CORO2B: variants seen among roughly 807,000 people sequenced by gnomAD.
The protein encoded by CORO2B is coronin-2B.
A neutral mutation model predicts 58.8 loss-of-function variants in CORO2B; 26 were observed. That is an observed-to-expected ratio of 0.44 (90% CI 0.32 to 0.61). CORO2B has a LOEUF of 0.61. Among genes scored for constraint, CORO2B ranks in the 20% least tolerant of loss-of-function variants. CORO2B has a pLI of 0.04. For missense variants in CORO2B, 460 were observed against 645.1 expected, an observed-to-expected ratio of 0.71 and a Z score of 3.11; for synonymous variants, 242 against 253.8, an observed-to-expected ratio of 0.95 and a Z score of 0.44.
chr15:68,561,281 G>T, the CORO2B span, among the ~76,000 whole-genome samples: 5 of 152,148 alleles, frequency 3.3e-5, no homozygotes, highest in African/African-American at 1.2e-4. Context: ...CCCCCTCCCA[G>T]CTCCTCCCAG....
At chr15:68,625,818 T>C (rs2140255584) in intron 1 of CORO2B, among the ~76,000 whole-genome samples, 1 of 152,190 alleles carries the variant, frequency 6.6e-6, no homozygotes, top group South Asian at 2.1e-4. Context: ...TTGCCCAGGC[T>C]GGTCTCAAAC....
intron 1 of CORO2B, among the ~76,000 whole-genome samples, chr15:68,643,954 T>C (rs2218171): frequency 0.79 from 119,366 of 151,886 alleles, 47,217 homozygotes; most frequent in East Asian, 0.95. Flanking sequence ...GGAGAATCAC[T>C]TGAACCTGGG....
Position 68,710,885 on chromosome 15 carries a change from T to G in CORO2B, c.483+4T>G. ...CAGCGCTGGCTACGACTACAAGGTA[T>G]GCAGTGGGCAGGCAGCTGGGTGGAG... On this transcript the variant is annotated splice_donor_region_variant and intron_variant, in intron 4 of 11. Transcript: ENST00000261861. The surrounding 1 kb of genome is among the most constrained non-coding windows in gnomAD (Gnocchi z 4.1). The G allele has an allele frequency of 6.3e-7, 1 of 1,592,682 alleles. No individual in the cohort carries two copies. Among genetic ancestry groups the G allele is most frequent in the South Asian group, 1.1e-5 (1 of 87,216 alleles).
At chr15:68,547,825 A>G in the CORO2B span, among the ~76,000 whole-genome samples, 1 of 152,220 alleles carries the variant, frequency 6.6e-6, no homozygotes, top group Non-Finnish European at 1.5e-5. Flanking sequence ...TTCAATCTAC[A>G]TAGTCATATC....
intron 1 of CORO2B, among the ~76,000 whole-genome samples, chr15:68,592,146 C>CCAGACTG (rs111731264): frequency 0.012 from 1,830 of 152,306 alleles, 44 homozygotes; most frequent in African/African-American, 0.04. Flanking sequence ...CACATCCACT[C>CCAGACTG]CAGACTGCCA....
chr15:68,555,425 C>T, the CORO2B span, among the ~76,000 whole-genome samples: 1 of 152,204 alleles, frequency 6.6e-6, no homozygotes, highest in Non-Finnish European at 1.5e-5. Flanking sequence ...ATGTCAAAGC[C>T]ATGGTCAGAG....
At chr15:68,654,335 C>T (rs1035947525) in intron 2 of CORO2B, among the ~76,000 whole-genome samples, 1 of 152,230 alleles carries the variant, frequency 6.6e-6, no homozygotes, top group Non-Finnish European at 1.5e-5. Context: ...AAGAATCCAT[C>T]CCTCTCCCTT....
At chr15:68,719,077 T>C in intron 9 of CORO2B, 67 bp from the exon 10 acceptor site, 1 of 1,261,982 alleles carries the variant, frequency 7.9e-7, no homozygotes, top group South Asian at 1.2e-5. Flanking sequence ...AAGAAGAGTC[T>C]GACTGAAGAG....
intron 2 of CORO2B, among the ~76,000 whole-genome samples, chr15:68,683,944 T>C (rs1902877583): frequency 2.0e-5 from 3 of 152,200 alleles, no homozygotes; most frequent in Admixed American, 6.5e-5. Context: ...ACAACAGCTC[T>C]GATGCCTGGA....
chr15:68,686,621 A>G (rs1032388167), intron 2 of CORO2B, among the ~76,000 whole-genome samples: 2 of 152,190 alleles, frequency 1.3e-5, no homozygotes, highest in Non-Finnish European at 2.9e-5. Context: ...TAACACGGCC[A>G]GGTACAGTGG....
At chr15:68,602,209 G>C (rs571772242) in intron 1 of CORO2B, among the ~76,000 whole-genome samples, 8 of 152,000 alleles carry the variant, frequency 5.3e-5, no homozygotes, top group Admixed American at 1.3e-4. Flanking sequence ...AAGTGGGAGT[G>C]GGGGGAACTG....
the CORO2B span, among the ~76,000 whole-genome samples, chr15:68,561,448 C>G: frequency 1.3e-5 from 2 of 152,194 alleles, no homozygotes; most frequent in Non-Finnish European, 2.9e-5. Context: ...CCAACACTGC[C>G]TCCCAGCGCC....
chr15:68,545,131 A>G, the CORO2B span, among the ~76,000 whole-genome samples: 1 of 152,134 alleles, frequency 6.6e-6, no homozygotes, highest in South Asian at 2.1e-4. Context: ...CATGCCCCAC[A>G]TGAAGGCTGC....
chr15:68,520,404 T>C, the CORO2B span, among the ~76,000 whole-genome samples: 25 of 152,376 alleles, frequency 1.6e-4, no homozygotes, highest in East Asian at 4.8e-3. Flanking sequence ...TTTTGTTTAT[T>C]TCTCCTGTTA....
intron 5 of CORO2B, among the ~76,000 whole-genome samples, chr15:68,712,604 C>G (rs1046428289): frequency 6.6e-6 from 1 of 152,134 alleles, no homozygotes; most frequent in Non-Finnish European, 1.5e-5. Flanking sequence ...GCTACTCAAC[C>G]TGTACCACTA....
At chr15:68,554,055 A>T in the CORO2B span, among the ~76,000 whole-genome samples, 12 of 152,214 alleles carry the variant, frequency 7.9e-5, no homozygotes, top group African/African-American at 2.7e-4. Context: ...GAAGATGAGC[A>T]CAGCACAGCA....
At chr15:68,555,257 C>G in the CORO2B span, among the ~76,000 whole-genome samples, 3,733 of 152,296 alleles carry the variant, frequency 0.025, 174 homozygotes, top group African/African-American at 0.083. Context: ...TGTCCCCAAC[C>G]AGGTGTGTTC....
At position 68,690,535 on chromosome 15, in the gene CORO2B, A is replaced by G. The variant is rs532913126; in HGVS notation, c.217-4605A>G. ...ACACTTTCCTCGCCTCTGTCTTCCC[A>G]GTACAGCATAGCACAATTCTTGCTT... On this transcript the variant is annotated intron_variant, in intron 2 of 11. Transcript: ENST00000261861. Among the ~76,000 whole-genome samples the G allele has an allele frequency of 9.9e-5, 15 of 152,222 alleles. No homozygotes were observed. In the East Asian group the frequency reaches 1.9e-3, roughly 20 times the overall value.
chr15:68,597,070 C>A (rs1231717409), intron 1 of CORO2B, among the ~76,000 whole-genome samples: 1 of 152,056 alleles, frequency 6.6e-6, no homozygotes, highest in Non-Finnish European at 1.5e-5. Context: ...TGAGCAGAAG[C>A]ATATATATCT....
Sources: gnomAD v4.1 joint callset for allele counts (sites outside exome capture counted in the v4.1 genomes callset) on GRCh38, gnomAD v4.1.1 for gene constraint, Gnocchi (gnomAD v3.1) non-coding constraint, MANE v1.5 for transcripts, NCBI Gene and HGNC (gene_info 2026-07-23, HGNC 2026-07-21) for gene names.